ZC3H12B: variants seen among roughly 807,000 people sequenced by gnomAD.
ZC3H12B encodes probable ribonuclease ZC3H12B.
In ZC3H12B, 7 loss-of-function variants were observed where a neutral mutation model predicts 43.9. The observed-to-expected ratio is 0.16, with a 90% CI of 0.09 to 0.30. The LOEUF (loss-of-function observed/expected upper bound fraction) is 0.30, where lower values mean the gene tolerates loss of function less well. Among genes scored for constraint, ZC3H12B ranks in the 10% least tolerant of loss-of-function variants. The pLI is 1.00. For missense variants in ZC3H12B, 475 were observed against 670.2 expected (o/e 0.71, Z 3.22); for synonymous variants, 222 against 241.7 (o/e 0.92, Z 0.76).
chrX:65,396,998 T>G (rs2066707252), intron 2 of ZC3H12B, among the ~76,000 whole-genome samples: 1 of 111,902 alleles, frequency 8.9e-6, no homozygotes, highest in East Asian at 2.8e-4. Flanking sequence ...GTTTAAAGTC[T>G]GCTTTATCAG....
the ZC3H12B span, among the ~76,000 whole-genome samples, chrX:65,310,523 T>C: frequency 8.9e-6 from 1 of 111,941 alleles, no homozygotes; most frequent in Non-Finnish European, 1.9e-5. Context: ...AAGAACATTC[T>C]ATGCTCATGG....
chrX:65,176,977 A>C, the ZC3H12B span, among the ~76,000 whole-genome samples: 1 of 111,958 alleles, frequency 8.9e-6, no homozygotes. Context: ...AAACAACAAC[A>C]ACAAAAATTT....
the ZC3H12B span, among the ~76,000 whole-genome samples, chrX:65,235,056 G>T: frequency 7.2e-5 from 8 of 111,501 alleles, no homozygotes; most frequent in African/African-American, 2.6e-4. Flanking sequence ...GTATTTTTTT[G>T]ATGTATATGT....
chrX:65,338,077 C>G, the ZC3H12B span, among the ~76,000 whole-genome samples: 1 of 111,984 alleles, frequency 8.9e-6, no homozygotes, highest in Non-Finnish European at 1.9e-5. Context: ...AAGTTGCTAG[C>G]TGATTGCTTT....
At chrX:65,489,066 C>A (rs778115522) in exon 1 of ZC3H12B, 3 of 1,210,116 alleles carry the variant, frequency 2.5e-6, no homozygotes, top group Non-Finnish European at 3.4e-6. Context: ...CCTAGATCGT[C>A]CAAGTTTCTC....
chrX:65,227,421 G>A, the ZC3H12B span, among the ~76,000 whole-genome samples: 1 of 111,340 alleles, frequency 9.0e-6, no homozygotes, highest in Non-Finnish European at 1.9e-5. Flanking sequence ...ATGCCCACAA[G>A]AGAAAGCAGG....
the ZC3H12B span, among the ~76,000 whole-genome samples, chrX:65,037,342 TG>T: frequency 9.0e-6 from 1 of 111,613 alleles, no homozygotes; most frequent in South Asian, 3.8e-4. Flanking sequence ...TCTTAGAAGG[TG>T]GAAGAGTTCA....
intron 3 of ZC3H12B, among the ~76,000 whole-genome samples, chrX:65,483,027 G>T (rs967316133): frequency 6.2e-5 from 7 of 112,166 alleles, no homozygotes; most frequent in African/African-American, 2.3e-4. Flanking sequence ...CCTTTGAAAT[G>T]AAATCCTAAA....
the ZC3H12B span, among the ~76,000 whole-genome samples, chrX:65,104,118 G>A: frequency 8.1e-5 from 9 of 110,950 alleles, no homozygotes; most frequent in Admixed American, 5.7e-4. Flanking sequence ...AACACCACAC[G>A]TCTACAACCA....
At chrX:65,487,988 C>T (rs923197545), upstream of ZC3H12B, among the ~76,000 whole-genome samples, 71 of 112,047 alleles carry the variant, frequency 6.3e-4, no homozygotes, top group Middle Eastern at 4.6e-3. Context: ...TCTCCTGCCT[C>T]AGCCTCCCGA....
the ZC3H12B span, among the ~76,000 whole-genome samples, chrX:65,242,524 G>A: frequency 8.9e-6 from 1 of 112,211 alleles, no homozygotes; most frequent in African/African-American, 3.2e-5. Context: ...TTAACAGATT[G>A]GAAGTATCAA....
the ZC3H12B span, among the ~76,000 whole-genome samples, chrX:65,338,507 C>G: frequency 3.8e-3 from 427 of 112,097 alleles, no homozygotes; most frequent in African/African-American, 0.013. Flanking sequence ...CCTTTTAACT[C>G]ACTCTACAAA....
the ZC3H12B span, among the ~76,000 whole-genome samples, chrX:65,322,903 T>C: frequency 1.8e-5 from 2 of 112,044 alleles, no homozygotes; most frequent in Non-Finnish European, 3.8e-5. Context: ...TTTTACTTCT[T>C]CAACTTTTTA....
At chrX:65,156,569 C>T in the ZC3H12B span, among the ~76,000 whole-genome samples, 2 of 111,132 alleles carry the variant, frequency 1.8e-5, no homozygotes, top group African/African-American at 3.3e-5. Context: ...TTAGTAGAGA[C>T]GGGGTTTCAC....
chrX:65,448,937 A>AAAAGAAAGAAAGGAAGAAAAAG (rs2067421284), intron 3 of ZC3H12B, among the ~76,000 whole-genome samples: 1 of 26,805 alleles, frequency 3.7e-5, no homozygotes, highest in Non-Finnish European at 9.5e-5. Flanking sequence ...AAAGAGAAGG[A>AAAAGAAAGAAAGGAAGAAAAAG]AAAGAAAGAA....
the ZC3H12B span, among the ~76,000 whole-genome samples, chrX:65,043,184 C>A: frequency 9.0e-6 from 1 of 110,954 alleles, no homozygotes; most frequent in Non-Finnish European, 1.9e-5. Context: ...AAGGGACATA[C>A]AATTCCCAGA....
intron 3 of ZC3H12B, chrX:65,469,517 C>A: frequency 2.9e-6 from 1 of 348,256 alleles, no homozygotes; most frequent in African/African-American, 2.6e-5. Context: ...ATGTAAAATT[C>A]CAGCATGTTG....
chrX:65,158,245 G>T, the ZC3H12B span, among the ~76,000 whole-genome samples: 2 of 110,639 alleles, frequency 1.8e-5, no homozygotes, highest in East Asian at 2.8e-4. Flanking sequence ...GTGTGTATGT[G>T]TCTTTATAGC....
At chrX:65,338,104 T>C in the ZC3H12B span, among the ~76,000 whole-genome samples, 1 of 112,112 alleles carries the variant, frequency 8.9e-6, no homozygotes, top group African/African-American at 3.2e-5. Flanking sequence ...TCTATTGTAT[T>C]GTTGCTCTAA....
Sources: gnomAD v4.1 joint callset for allele counts (sites outside exome capture counted in the v4.1 genomes callset) on GRCh38, gnomAD v4.1.1 for gene constraint, MANE v1.5 for transcripts, NCBI Gene and HGNC (gene_info 2026-07-23, HGNC 2026-07-21) for gene names.